COLEC12: variants seen among roughly 807,000 people sequenced by gnomAD.
The protein encoded by COLEC12 is collectin subfamily member 12.
Under a neutral mutation model 71.1 loss-of-function variants are expected in COLEC12, and 33 were observed. The observed-to-expected ratio is 0.46, with a 90% CI of 0.35 to 0.62. COLEC12 has a LOEUF of 0.62. Ranked by LOEUF, COLEC12 falls within the 20% of genes least tolerant of loss-of-function variation. The probability of loss-of-function intolerance (pLI) is 0.00; values close to 1 mark genes in which losing one functional copy is unlikely to be tolerated. For synonymous variants in COLEC12, 350 were observed against 353.0 expected, an observed-to-expected ratio of 0.99 and a Z score of 0.10; for missense variants, 765 against 916.1, an observed-to-expected ratio of 0.84 and a Z score of 2.13.
intron 2 of COLEC12, among the ~76,000 whole-genome samples, chr18:398,079 A>G (rs199514344): frequency 0.023 from 3,551 of 151,984 alleles, 51 homozygotes; most frequent in African/African-American, 0.042. Context: ...ACAAAAAAAC[A>G]GCAAAAAGCA....
intron 5 of COLEC12, among the ~76,000 whole-genome samples, chr18:340,621 A>T (rs777354597): frequency 6.6e-6 from 1 of 152,220 alleles, no homozygotes; most frequent in African/African-American, 2.4e-5. Flanking sequence ...AAGAGAAACC[A>T]CTTTAATTCT....
At chr18:460,236 C>T (rs1212496795) in intron 2 of COLEC12, among the ~76,000 whole-genome samples, 4 of 152,084 alleles carry the variant, frequency 2.6e-5, no homozygotes, top group South Asian at 2.1e-4. Context: ...ATTCTTCTTC[C>T]GTGGTCATTC....
At chr18:411,993 T>C (rs1229277036) in intron 2 of COLEC12, among the ~76,000 whole-genome samples, 2 of 152,148 alleles carry the variant, frequency 1.3e-5, no homozygotes, top group East Asian at 3.8e-4. Flanking sequence ...ATCTAACATT[T>C]ATGTCATAAG....
chr18:498,000 T>C (rs2143800975), intron 1 of COLEC12, among the ~76,000 whole-genome samples: 1 of 152,308 alleles, frequency 6.6e-6, no homozygotes, highest in East Asian at 1.9e-4. Context: ...GATTCACTTT[T>C]TTTTCCAGTC....
chr18:414,523 G>A (rs537806598), intron 2 of COLEC12, among the ~76,000 whole-genome samples: 65 of 152,234 alleles, frequency 4.3e-4, no homozygotes, highest in African/African-American at 1.3e-3. Context: ...ACTTGAACCC[G>A]GGAGGCGGAG....
chr18:331,313 C>T (rs1041890860), intron 8 of COLEC12, among the ~76,000 whole-genome samples: 8 of 152,238 alleles, frequency 5.3e-5, no homozygotes, highest in Non-Finnish European at 1.0e-4. Flanking sequence ...CTGGGGCGAA[C>T]GCTGAACATG....
At chr18:379,226 G>A (rs1302333780) in intron 2 of COLEC12, among the ~76,000 whole-genome samples, 1 of 151,918 alleles carries the variant, frequency 6.6e-6, no homozygotes, top group Non-Finnish European at 1.5e-5. Flanking sequence ...AGGCTCAAGT[G>A]GTCCTCCCAC....
chr18:317,593 G>A lies in COLEC12; in HGVS notation c.*2452C>T, dbSNP rs1208525632. The A allele has an allele frequency of 6.6e-6, 1 of 152,220 alleles. No homozygotes were observed. Among genetic ancestry groups the A allele is most frequent in the Non-Finnish European group, 1.5e-5 (1 of 68,038 alleles). 9.4% of individuals were successfully genotyped at this position (152,220 alleles called of 1,614,324 possible). On this transcript the variant is annotated 3_prime_UTR_variant, in exon 10 of 10. Transcript: ENST00000400256. ...CTTGGTAAGTTATTATTAGGGCTGG[G>A]AGAGCAATAACTTCAGCTGCGAAAG...
intron 1 of COLEC12, among the ~76,000 whole-genome samples, chr18:483,091 C>T (rs1223901662): frequency 6.6e-6 from 1 of 152,112 alleles, no homozygotes; most frequent in Non-Finnish European, 1.5e-5. Flanking sequence ...TTGTTTGTTA[C>T]AATGTATTTA....
At chr18:411,340 C>T (rs577844646) in intron 2 of COLEC12, among the ~76,000 whole-genome samples, 2 of 152,192 alleles carry the variant, frequency 1.3e-5, no homozygotes, top group South Asian at 2.1e-4. Flanking sequence ...TATCAAGAGA[C>T]AGGAAGATCT....
chr18:364,307 T>C (rs1914810534), intron 2 of COLEC12, among the ~76,000 whole-genome samples: 1 of 152,202 alleles, frequency 6.6e-6, no homozygotes, highest in African/African-American at 2.4e-5. Flanking sequence ...TGCCAGAATA[T>C]ATAGTGTCTC....
chr18:396,557 T>A (rs565480661), intron 2 of COLEC12, among the ~76,000 whole-genome samples: 2 of 152,386 alleles, frequency 1.3e-5, no homozygotes, highest in African/African-American at 4.8e-5. Context: ...TTTTCTCCAC[T>A]GAATCTCTTT....
chr18:333,163 A>G lies in COLEC12; in HGVS notation c.1817-20T>C. 6.3e-7 allele frequency: 1 copy of G among 1,577,338 alleles called. No individual in the cohort carries two copies. The stretch of plus-strand genomic sequence containing the variant: ...GGCAGCCTAGGAATGCAAAAGTGGA[A>G]AACATTGATTAAAAGATCACAGAAA... On this transcript the variant is annotated intron_variant, in intron 6 of 9. Coordinates refer to ENST00000400256, the MANE Select transcript of COLEC12 (RefSeq NM_130386.3).
intron 5 of COLEC12, among the ~76,000 whole-genome samples, chr18:339,567 C>A (rs1031067456): frequency 6.6e-6 from 1 of 152,196 alleles, no homozygotes. Flanking sequence ...CTACATCTAT[C>A]CTAAATAGGT....
At chr18:459,035 G>A (rs4798230) in intron 2 of COLEC12, among the ~76,000 whole-genome samples, 1 of 151,990 alleles carries the variant, frequency 6.6e-6, no homozygotes, top group African/African-American at 2.4e-5. Flanking sequence ...GGGACTGGGG[G>A]CTGGGAGAGG....
intron 8 of COLEC12, among the ~76,000 whole-genome samples, chr18:323,644 G>A (rs1304825913): frequency 1.3e-5 from 2 of 152,180 alleles, no homozygotes; most frequent in Non-Finnish European, 1.5e-5. Flanking sequence ...CAATGCCTGA[G>A]CAGTTTAATC....
intron 2 of COLEC12, among the ~76,000 whole-genome samples, chr18:416,389 G>C (rs1567901459): frequency 3.3e-5 from 5 of 152,216 alleles, no homozygotes; most frequent in African/African-American, 1.2e-4. Context: ...ATGAAAAGCA[G>C]GATGAATCAG....
intron 2 of COLEC12, among the ~76,000 whole-genome samples, chr18:453,082 G>C (rs1405419816): frequency 6.6e-6 from 1 of 152,240 alleles, no homozygotes; most frequent in East Asian, 1.9e-4. Context: ...ACAACAAAGA[G>C]AGGTCTCTGG....
rs577093169 is a variant in COLEC12 at position 327,598 on chromosome 18, G to A, written c.2063+4070C>T. Among the ~76,000 whole-genome samples, 2 of 152,306 alleles carry A rather than the reference G, an allele frequency of 1.3e-5. No individual in the cohort carries two copies. Among genetic ancestry groups the A allele is most frequent in the South Asian group, 2.1e-4 (1 of 4,822 alleles). On this transcript the variant is annotated intron_variant, in intron 8 of 9. Transcript: ENST00000400256. The surrounding 1 kb of genome is among the most constrained non-coding windows in gnomAD (Gnocchi z 4.0). ...TCCATGTCACTATTGCCTTCTGTCT[G>A]TTCCAGCACTCTCTTTCTCAACCAG...
Sources: allele counts gnomAD v4.1 joint callset (sites outside exome capture counted in the v4.1 genomes callset), GRCh38; gene constraint gnomAD v4.1.1; non-coding constraint Gnocchi (gnomAD v3.1); transcripts MANE v1.5; gene names NCBI Gene and HGNC (gene_info 2026-07-23, HGNC 2026-07-21).